RBFOX1: variants seen among roughly 807,000 people sequenced by gnomAD.
The protein encoded by RBFOX1 is RNA binding protein fox-1 homolog 1.
In RBFOX1, 8 loss-of-function variants were observed where a neutral mutation model predicts 57.7. The ratio of observed to expected loss-of-function variants is 0.14; its 90% CI spans 0.08 to 0.25. The LOEUF (loss-of-function observed/expected upper bound fraction) is 0.25, where lower values mean the gene tolerates loss of function less well. RBFOX1 is among the 10% of genes least tolerant of loss of function. RBFOX1 has a pLI of 1.00. For missense variants in RBFOX1, 611 were observed against 548.5 expected, an observed-to-expected ratio of 1.11 and a Z score of -1.14; for synonymous variants, 326 against 222.4, an observed-to-expected ratio of 1.47 and a Z score of -4.15.
intron 1 of RBFOX1, among the ~76,000 whole-genome samples, chr16:5,300,292 G>A (rs1175816821): frequency 6.6e-6 from 1 of 152,138 alleles, no homozygotes; most frequent in African/African-American, 2.4e-5. Context: ...CCTTAAAAAT[G>A]GGTTGAAAAT....
At chr16:7,060,037 G>C (rs1022192035) in intron 4 of RBFOX1, among the ~76,000 whole-genome samples, 1 of 152,128 alleles carries the variant, frequency 6.6e-6, no homozygotes, top group South Asian at 2.1e-4. Flanking sequence ...TCTGCAGTCA[G>C]ATTCTTTTCA....
At chr16:5,341,457 A>T (rs935533666) in intron 1 of RBFOX1, among the ~76,000 whole-genome samples, 2 of 151,984 alleles carry the variant, frequency 1.3e-5, no homozygotes, top group African/African-American at 4.8e-5. Context: ...AAGTGATTGG[A>T]TTGAGGATAT....
chr16:7,077,591 A>C (rs1377382367), intron 4 of RBFOX1, among the ~76,000 whole-genome samples: 1 of 152,224 alleles, frequency 6.6e-6, no homozygotes, highest in East Asian at 1.9e-4. Flanking sequence ...TAAGTTCCTC[A>C]GCAAATGTTC....
chr16:5,583,772 G>C (rs1260276280), intron 2 of RBFOX1, among the ~76,000 whole-genome samples: 1 of 152,176 alleles, frequency 6.6e-6, no homozygotes, highest in East Asian at 1.9e-4. Context: ...ATCTTATAGA[G>C]GGGAAAACTG....
chr16:5,476,163 C>G (rs2069315267), intron 2 of RBFOX1, among the ~76,000 whole-genome samples: 2 of 152,100 alleles, frequency 1.3e-5, no homozygotes, highest in South Asian at 4.1e-4. Flanking sequence ...CCTGGGCACC[C>G]TTGTTAAAAT....
chr16:5,986,745 A>T (rs937607889), intron 4 of RBFOX1, among the ~76,000 whole-genome samples: 9 of 152,196 alleles, frequency 5.9e-5, no homozygotes, highest in African/African-American at 2.2e-4. Context: ...ATAGTGTCCC[A>T]TGGTATGAAT....
intron 3 of RBFOX1, among the ~76,000 whole-genome samples, chr16:6,976,854 C>T (rs972788321): frequency 1.4e-5 from 1 of 72,624 alleles, no homozygotes; most frequent in Non-Finnish European, 2.5e-5. Context: ...TGATGTATAT[C>T]ACATATATAT....
intron 4 of RBFOX1, among the ~76,000 whole-genome samples, chr16:7,263,628 T>G (rs1486732529): frequency 6.6e-6 from 1 of 152,020 alleles, no homozygotes; most frequent in Admixed American, 6.6e-5. Context: ...CTGGGAACGG[T>G]GGCTCACACC....
chr16:6,135,519 C>G (rs1012024441), intron 1 of RBFOX1, among the ~76,000 whole-genome samples: 2 of 152,040 alleles, frequency 1.3e-5, no homozygotes, highest in African/African-American at 4.8e-5. Context: ...ACAGATTCAA[C>G]AGGGTCAGGT....
chr16:6,341,906 C>T (rs1206846619), intron 2 of RBFOX1, among the ~76,000 whole-genome samples: 1 of 152,208 alleles, frequency 6.6e-6, no homozygotes, highest in Non-Finnish European at 1.5e-5. Flanking sequence ...TTCCACTGAA[C>T]CCACCTGGAT....
chr16:5,942,025 A>T (rs1407715434), intron 4 of RBFOX1, among the ~76,000 whole-genome samples: 1 of 152,042 alleles, frequency 6.6e-6, no homozygotes, highest in Non-Finnish European at 1.5e-5. Context: ...ATCAGTCATT[A>T]GTAAGGCTTC....
chr16:6,549,423 A>G (rs1330569277), intron 2 of RBFOX1, among the ~76,000 whole-genome samples: 2 of 22,666 alleles, frequency 8.8e-5, no homozygotes, highest in African/African-American at 1.6e-4. Context: ...GAGGAGGAGG[A>G]GGGGAGGAGG....
intron 3 of RBFOX1, among the ~76,000 whole-genome samples, chr16:6,765,675 G>T (rs918466170): frequency 2.2e-4 from 33 of 152,252 alleles, no homozygotes; most frequent in African/African-American, 7.9e-4. Flanking sequence ...GAGGAAAGAT[G>T]CCTGCTTGCA....
chr16:6,728,307 C>G (rs1459479907), intron 3 of RBFOX1, among the ~76,000 whole-genome samples: 8 of 152,122 alleles, frequency 5.3e-5, no homozygotes, highest in Non-Finnish European at 8.8e-5. Context: ...GTTTACTTAT[C>G]AAATAGTGAA....
At chr16:7,041,471 C>T (rs1162130813) in intron 3 of RBFOX1, among the ~76,000 whole-genome samples, 3 of 152,124 alleles carry the variant, frequency 2.0e-5, no homozygotes, top group Non-Finnish European at 2.9e-5. Flanking sequence ...TGGCATTCTT[C>T]TCAGTTCTGG....
chr16:6,062,438 C>A (rs545448270), intron 1 of RBFOX1, among the ~76,000 whole-genome samples: 1 of 151,958 alleles, frequency 6.6e-6, no homozygotes, highest in Non-Finnish European at 1.5e-5. Context: ...ACAAAAGATA[C>A]CCTTATCACT....
chr16:6,894,397 A>C (rs2066259335), intron 3 of RBFOX1, among the ~76,000 whole-genome samples: 1 of 152,142 alleles, frequency 6.6e-6, no homozygotes, highest in African/African-American at 2.4e-5. Flanking sequence ...CTTTTGTTCC[A>C]TTCAGCCCAA....
intron 2 of RBFOX1, among the ~76,000 whole-genome samples, chr16:6,448,862 ATATTT>A (rs1331340019): frequency 2.0e-5 from 3 of 152,156 alleles, no homozygotes; most frequent in Non-Finnish European, 4.4e-5. Context: ...TCTAGACAAT[ATATTT>A]TATTTTGAGT....
At chr16:5,953,054 T>C (rs2059552547) in intron 4 of RBFOX1, among the ~76,000 whole-genome samples, 1 of 151,784 alleles carries the variant, frequency 6.6e-6, no homozygotes, top group Non-Finnish European at 1.5e-5. Flanking sequence ...CTGCGGAAGA[T>C]TATCAAGAAA....
Sources: allele counts gnomAD v4.1 joint callset (sites outside exome capture counted in the v4.1 genomes callset), GRCh38; gene constraint gnomAD v4.1.1; transcripts MANE v1.5; gene names NCBI Gene and HGNC (gene_info 2026-07-23, HGNC 2026-07-21).